The following PTPRM variants were observed in gnomAD, a reference collection of about 807,000 sequenced individuals.
PTPRM encodes protein tyrosine phosphatase receptor type M.
Under a neutral mutation model 186.7 loss-of-function variants are expected in PTPRM, and 47 were observed. The ratio of observed to expected loss-of-function variants is 0.25; its 90% confidence interval spans 0.20 to 0.32. PTPRM has a LOEUF of 0.32. Among genes scored for constraint, PTPRM ranks in the 10% least tolerant of loss-of-function variants. The pLI is 1.00. For synonymous variants in PTPRM, 668 were observed against 674.9 expected, an observed-to-expected ratio of 0.99 and a Z score of 0.16; for missense variants, 1,494 against 1,865.0, an observed-to-expected ratio of 0.80 and a Z score of 3.66.
chr18:8,002,351 C>G (rs1483412264), intron 7 of PTPRM, among the ~76,000 whole-genome samples: 1 of 152,172 alleles, frequency 6.6e-6, no homozygotes, highest in Non-Finnish European at 1.5e-5. Flanking sequence ...TAATTCCTTA[C>G]CAGGTATGAT....
intron 21 of PTPRM, among the ~76,000 whole-genome samples, chr18:8,318,492 TTGCCATGTTG>T (rs1197881572): frequency 6.6e-6 from 1 of 151,970 alleles, no homozygotes; most frequent in East Asian, 1.9e-4. Flanking sequence ...AGATGGCTTT[TTGCCATGTTG>T]TGCAGGCTGG....
At chr18:7,908,939 A>G (rs1457489401) in intron 4 of PTPRM, among the ~76,000 whole-genome samples, 1 of 152,220 alleles carries the variant, frequency 6.6e-6, no homozygotes, top group Non-Finnish European at 1.5e-5. Flanking sequence ...TTAAAAACAT[A>G]AGAGCTGTAA....
At chr18:7,744,168 C>A (rs1020585938) in intron 1 of PTPRM, among the ~76,000 whole-genome samples, 14 of 152,072 alleles carry the variant, frequency 9.2e-5, no homozygotes, top group African/African-American at 3.4e-4. Context: ...AGATTTGAGG[C>A]TCAAAAAGGC....
chr18:7,774,263 T>C lies in PTPRM; in HGVS notation c.188T>C (p.Met63Thr). ...ACTAAACCGACTTCTGATCCATGGA[T>C]GCCATCAGGTTTGCTTTTAGTTTTA... is the stretch of plus-strand genomic sequence containing the variant. ...TLTKPTSDPW[M>T]PSGSFMLVNA... is the part of the protein sequence containing the mutation. Residue 63 changes from methionine (M) to threonine (T), a missense_variant, in exon 2 of 33, where the codon ATG becomes ACG. Met to Thr is a moderately conservative substitution (Grantham distance 81). This residue lies in a region of PTPRM where 296 missense variants were observed against 345.5 expected (regional missense o/e 0.86). Transcript: ENST00000580170. The C allele has an allele frequency of 6.2e-7, 1 of 1,613,942 alleles. No individual in the cohort carries two copies. The highest frequency in any genetic ancestry group is 1.7e-4 in the Middle Eastern group (1 of 6,058).
intron 7 of PTPRM, among the ~76,000 whole-genome samples, chr18:8,037,519 A>C (rs1414427494): frequency 6.6e-6 from 1 of 152,192 alleles, no homozygotes; most frequent in Non-Finnish European, 1.5e-5. Context: ...TATTGAAAAT[A>C]CCCATTTCTC....
At chr18:7,609,059 G>T (rs2037607461) in intron 1 of PTPRM, among the ~76,000 whole-genome samples, 1 of 152,054 alleles carries the variant, frequency 6.6e-6, no homozygotes, top group South Asian at 2.1e-4. Context: ...TCTTCCCCAG[G>T]GTATGTTTGT....
At chr18:7,964,008 TA>T (rs1406197518) in intron 7 of PTPRM, among the ~76,000 whole-genome samples, 5 of 152,202 alleles carry the variant, frequency 3.3e-5, no homozygotes, top group Non-Finnish European at 7.3e-5. Context: ...CAGGCCATCT[TA>T]ATTTCCCCCA....
intron 20 of PTPRM, among the ~76,000 whole-genome samples, chr18:8,298,312 T>A (rs530264643): frequency 2.4e-4 from 36 of 152,114 alleles, no homozygotes; most frequent in African/African-American, 7.2e-4. Flanking sequence ...TCACAGAGAG[T>A]CTTGGAAGTG....
chr18:8,139,973 C>A (rs2092726190), intron 13 of PTPRM, among the ~76,000 whole-genome samples: 1 of 152,222 alleles, frequency 6.6e-6, no homozygotes, highest in South Asian at 2.1e-4. Context: ...CAGTTAGCTA[C>A]TCAATAAATG....
At chr18:8,240,826 G>GAAAGAAAGA (rs1568585300) in intron 14 of PTPRM, among the ~76,000 whole-genome samples, 1 of 24,034 alleles carries the variant, frequency 4.2e-5, no homozygotes, top group Non-Finnish European at 8.3e-5. Context: ...GAGAGAGAGA[G>GAAAGAAAGA]AAAGAAAGAA....
intron 11 of PTPRM, among the ~76,000 whole-genome samples, chr18:8,109,286 T>C (rs1378318326): frequency 6.6e-6 from 1 of 152,226 alleles, no homozygotes; most frequent in Non-Finnish European, 1.5e-5. Context: ...ACTTGGGCTT[T>C]GATAAAGGGG....
intron 7 of PTPRM, among the ~76,000 whole-genome samples, chr18:7,960,750 G>C (rs1215817247): frequency 1.3e-5 from 2 of 151,536 alleles, no homozygotes; most frequent in Non-Finnish European, 2.9e-5. Flanking sequence ...GTAAAACCCT[G>C]TCTCTAATAT....
intron 1 of PTPRM, among the ~76,000 whole-genome samples, chr18:7,725,981 C>T (rs894449648): frequency 3.3e-5 from 5 of 152,120 alleles, no homozygotes; most frequent in African/African-American, 9.7e-5. Flanking sequence ...TCTGGGGCTT[C>T]GGATCACGGG....
chr18:8,015,584 A>G (rs35129770), intron 7 of PTPRM, among the ~76,000 whole-genome samples: 51,415 of 151,750 alleles, frequency 0.34, 9,580 homozygotes, highest in Non-Finnish European at 0.43. Context: ...GCTTACTTTG[A>G]TAGGGCTTAC....
chr18:7,801,858 T>C (rs1400152808), intron 2 of PTPRM, among the ~76,000 whole-genome samples: 1 of 152,156 alleles, frequency 6.6e-6, no homozygotes, highest in East Asian at 1.9e-4. Context: ...TGCATGATTG[T>C]ATATTTGTGC....
chr18:8,085,225 T>C (rs991285340), intron 9 of PTPRM, among the ~76,000 whole-genome samples: 2 of 152,064 alleles, frequency 1.3e-5, no homozygotes, highest in African/African-American at 4.8e-5. Flanking sequence ...CCCACATTGA[T>C]GAAAACACTT....
intron 1 of PTPRM, among the ~76,000 whole-genome samples, chr18:7,640,259 T>A (rs2038414493): frequency 6.6e-6 from 1 of 152,168 alleles, no homozygotes; most frequent in African/African-American, 2.4e-5. Flanking sequence ...AGAAAGAAAC[T>A]TCCAGTGTCC....
intron 2 of PTPRM, among the ~76,000 whole-genome samples, chr18:7,801,297 A>G (rs2043955606): frequency 6.6e-6 from 1 of 152,140 alleles, no homozygotes; most frequent in Middle Eastern, 3.2e-3. Flanking sequence ...TTAAAAATTT[A>G]TTGATTTTTT....
intron 24 of PTPRM, among the ~76,000 whole-genome samples, chr18:8,374,705 C>A (rs78037161): frequency 0.011 from 1,709 of 152,274 alleles, 27 homozygotes; most frequent in African/African-American, 0.039. Context: ...AGCTTAAACT[C>A]TAGTAAAGAA....
Sources: allele counts gnomAD v4.1 joint callset (sites outside exome capture counted in the v4.1 genomes callset), GRCh38; gene constraint gnomAD v4.1.1; regional missense constraint gnomAD v4.1.1; transcripts MANE v1.5; gene names NCBI Gene and HGNC (gene_info 2026-07-23, HGNC 2026-07-21).